Variants in CTNNA1 observed in about 807,000 individuals in gnomAD.
CTNNA1 encodes the protein catenin alpha-1.
A neutral mutation model predicts 98.4 loss-of-function variants in CTNNA1; 37 were observed. That is an observed-to-expected ratio of 0.38 (90% CI 0.29 to 0.49). The LOEUF is 0.49. Ranked by LOEUF, CTNNA1 falls within the 20% of genes least tolerant of loss-of-function variation. CTNNA1 has a pLI of 0.95. For synonymous variants in CTNNA1, 404 were observed against 413.2 expected, an observed-to-expected ratio of 0.98 and a Z score of 0.27; for missense variants, 761 against 1,147.2, an observed-to-expected ratio of 0.66 and a Z score of 4.86.
At chr5:138,779,528 C>T (rs767095107) in intron 1 of CTNNA1, among the ~76,000 whole-genome samples, 31 of 150,764 alleles carry the variant, frequency 2.1e-4, no homozygotes, top group Non-Finnish European at 3.8e-4. Flanking sequence ...GGAAATGGTC[C>T]GTTTTTTAAA....
chr5:138,807,505 G>A (rs540808403), intron 3 of CTNNA1, among the ~76,000 whole-genome samples: 36 of 151,954 alleles, frequency 2.4e-4, no homozygotes, highest in Non-Finnish European at 4.0e-4. Context: ...ATGACACCTT[G>A]TGTTTTCTTT....
At chr5:138,772,625 A>G (rs1313289502) in intron 1 of CTNNA1, among the ~76,000 whole-genome samples, 1 of 152,216 alleles carries the variant, frequency 6.6e-6, no homozygotes, top group African/African-American at 2.4e-5. Context: ...CCAGCCAGCA[A>G]CTTACGGGAT....
intron 7 of CTNNA1, among the ~76,000 whole-genome samples, chr5:138,840,378 C>G (rs1762170132): frequency 6.6e-6 from 1 of 152,124 alleles, no homozygotes; most frequent in Non-Finnish European, 1.5e-5. Context: ...GCTGACAGGT[C>G]TCTCCCTCTC....
intron 7 of CTNNA1, among the ~76,000 whole-genome samples, chr5:138,837,579 CCT>C (rs1491460439): frequency 2.8e-5 from 4 of 140,552 alleles, no homozygotes; most frequent in Non-Finnish European, 3.1e-5. Flanking sequence ...TCTCCTCTCT[CCT>C]CTCTCTTCTC....
intron 16 of CTNNA1, 84 bp from the exon 17 acceptor site, chr5:138,932,494 A>C: frequency 5.1e-6 from 8 of 1,560,650 alleles, no homozygotes; most frequent in Non-Finnish European, 6.9e-6. Context: ...TGAGTGCCAC[A>C]CTGAACCTTT....
chr5:138,832,207 G>C (rs149666032), intron 7 of CTNNA1, among the ~76,000 whole-genome samples: 134 of 152,324 alleles, frequency 8.8e-4, no homozygotes, highest in African/African-American at 3.2e-3. Flanking sequence ...ATAGTGGTTT[G>C]ATGAAGAGTT....
chr5:138,841,880 G>A (rs116740722), intron 7 of CTNNA1, among the ~76,000 whole-genome samples: 1 of 152,218 alleles, frequency 6.6e-6, no homozygotes, highest in African/African-American at 2.4e-5. Context: ...GCTTCCTTAA[G>A]GGCTAACCGT....
At chr5:138,867,150 C>T (rs1383206501) in intron 7 of CTNNA1, among the ~76,000 whole-genome samples, 1 of 152,194 alleles carries the variant, frequency 6.6e-6, no homozygotes, top group Non-Finnish European at 1.5e-5. Context: ...CAATTTAAAA[C>T]CACCATCACC....
rs2149656406 is a variant in CTNNA1 at position 138,783,251 on chromosome 5, T to A, written c.180T>A (p.Val60=). Residue 60 remains valine (V), a synonymous_variant, in exon 3 of 18, where the codon GTT becomes GTA. Transcript: ENST00000302763. ...KKRGRSKKAH[V]LAASVEQATE... ...GAGGTCGTTCTAAGAAGGCCCATGT[T>A]TTGGCTGCATCTGTTGAACAAGCAA... 6.2e-6 allele frequency: 10 copies of A among 1,614,156 alleles called. No homozygotes were observed. The highest frequency in any genetic ancestry group is 8.5e-6 in the Non-Finnish European group (10 of 1,180,004).
At chr5:138,765,051 G>GT (rs930674982) in intron 1 of CTNNA1, among the ~76,000 whole-genome samples, 47 of 150,768 alleles carry the variant, frequency 3.1e-4, no homozygotes, top group Non-Finnish European at 3.5e-4. Context: ...TTTTCTTTTT[G>GT]TTTTTTTGAG....
intron 7 of CTNNA1, among the ~76,000 whole-genome samples, chr5:138,854,821 G>A (rs1051970915): frequency 5.3e-5 from 8 of 152,194 alleles, no homozygotes; most frequent in African/African-American, 1.7e-4. Flanking sequence ...TGCACATCCA[G>A]TGTACTTCAT....
chr5:138,865,756 T>TG (rs1407965627), intron 7 of CTNNA1, among the ~76,000 whole-genome samples: 2 of 152,372 alleles, frequency 1.3e-5, no homozygotes, highest in Admixed American at 1.3e-4. Flanking sequence ...AAACGTATTC[T>TG]GGACCCTTGG....
chr5:138,921,175 T>C, intron 11 of CTNNA1, among the ~76,000 whole-genome samples: 1 of 152,234 alleles, frequency 6.6e-6, no homozygotes, highest in East Asian at 1.9e-4. Context: ...GGAGAGTGGT[T>C]TGAAATTCAT....
intron 10 of CTNNA1, among the ~76,000 whole-genome samples, chr5:138,905,824 C>G (rs13359367): frequency 0.023 from 3,478 of 152,342 alleles, 134 homozygotes; most frequent in African/African-American, 0.08. Flanking sequence ...GAGGTTTCCT[C>G]TCCACTTTCC....
At chr5:138,879,047 C>T (rs1036455991) in intron 7 of CTNNA1, among the ~76,000 whole-genome samples, 4 of 151,608 alleles carry the variant, frequency 2.6e-5, no homozygotes, top group Non-Finnish European at 4.4e-5. Flanking sequence ...CCGTCTCTAC[C>T]GAACATACAA....
At chr5:138,851,486 G>T (rs1185617665) in intron 7 of CTNNA1, among the ~76,000 whole-genome samples, 2 of 152,144 alleles carry the variant, frequency 1.3e-5, no homozygotes, top group Non-Finnish European at 1.5e-5. Context: ...GGCTGGGCGC[G>T]GTGGCTCACA....
chr5:138,929,932 G>A (rs1171140952), intron 14 of CTNNA1, among the ~76,000 whole-genome samples: 3 of 152,142 alleles, frequency 2.0e-5, no homozygotes, highest in Non-Finnish European at 4.4e-5. Context: ...TGAGCACTTA[G>A]GGAAGCTGAG....
chr5:138,889,239 G>C (rs189320385), intron 9 of CTNNA1, among the ~76,000 whole-genome samples: 75 of 152,300 alleles, frequency 4.9e-4, no homozygotes, highest in African/African-American at 1.7e-3. Context: ...GAGTGTGGCA[G>C]CTGAAGAGAG....
intron 2 of CTNNA1, among the ~76,000 whole-genome samples, chr5:138,782,692 A>G (rs1224078506): frequency 6.6e-6 from 1 of 152,244 alleles, no homozygotes; most frequent in Non-Finnish European, 1.5e-5. Flanking sequence ...TCTTTGGGCA[A>G]TCATTCGTTT....
Sources: allele counts gnomAD v4.1 joint callset (sites outside exome capture counted in the v4.1 genomes callset), GRCh38; gene constraint gnomAD v4.1.1; transcripts MANE v1.5; gene names NCBI Gene and HGNC (gene_info 2026-07-23, HGNC 2026-07-21).